The following ALOX5 variants were observed in gnomAD, a reference collection of about 807,000 sequenced individuals.
The protein encoded by ALOX5 is arachidonate 5-lipoxygenase, also known as polyunsaturated fatty acid 5-lipoxygenase.
ALOX5 carries 64 observed loss-of-function variants against 87.9 expected under a neutral mutation model. That is an observed-to-expected ratio of 0.73 (90% CI 0.60 to 0.90). ALOX5 has a LOEUF of 0.90. Among genes scored for constraint, ALOX5 ranks in the 40% least tolerant of loss-of-function variants. The probability of loss-of-function intolerance (pLI) is 0.00; values close to 1 mark genes in which losing one functional copy is unlikely to be tolerated. For missense variants in ALOX5, 822 were observed against 907.5 expected (o/e 0.91, Z 1.21); for synonymous variants, 388 against 355.1 (o/e 1.09, Z -1.04).
intron 1 of ALOX5, among the ~76,000 whole-genome samples, chr10:45,375,432 G>T (rs560547743): frequency 1.3e-5 from 2 of 152,278 alleles, no homozygotes; most frequent in East Asian, 3.9e-4. Flanking sequence ...CATACTGCAG[G>T]TGCGCAGGGA....
intron 11 of ALOX5, 89 bp from the exon 12 acceptor site, chr10:45,443,639 C>T: frequency 1.9e-6 from 3 of 1,594,258 alleles, no homozygotes; most frequent in Non-Finnish European, 2.6e-6. Context: ...GCCCTCCGGC[C>T]TTGGGGCAGG....
intron 3 of ALOX5, 71 bp from the exon 4 acceptor site, chr10:45,412,120 G>A: frequency 6.3e-7 from 1 of 1,593,642 alleles, no homozygotes; most frequent in Middle Eastern, 1.7e-4. Context: ...GACAGTGTGG[G>A]CGGCCCTCAG....
intron 6 of ALOX5, among the ~76,000 whole-genome samples, chr10:45,428,119 CTCCCCCT>C (rs1237194472): frequency 6.6e-6 from 1 of 150,536 alleles, no homozygotes; most frequent in Non-Finnish European, 1.5e-5. Flanking sequence ...GCAGAATCCC[CTCCCCCT>C]TCCCCCGCAG....
chr10:45,389,264 A>G (rs1367686410), intron 2 of ALOX5, among the ~76,000 whole-genome samples: 1 of 152,196 alleles, frequency 6.6e-6, no homozygotes, highest in Non-Finnish European at 1.5e-5. Flanking sequence ...GTTGGAAAAC[A>G]CTCTGCAGGA....
chr10:45,407,303 G>T (rs1246037151), intron 3 of ALOX5, among the ~76,000 whole-genome samples: 2 of 151,568 alleles, frequency 1.3e-5, no homozygotes, highest in African/African-American at 2.4e-5. Context: ...TTCACTCTCT[G>T]CATCTCTTTC....
In ALOX5 at chr10:45,395,778, G is replaced by T. The variant is rs28395862; in HGVS notation, c.350-77G>T. 599 of 1,341,982 alleles carry T rather than the reference G, an allele frequency of 4.5e-4. 11 individuals carry two copies. In the East Asian group the frequency reaches 0.014, roughly 30 times the overall value. The allele number at this position is 1,341,982 out of a possible 1,614,324, so 83.1% of individuals were successfully genotyped here. ...CACTCGGCATGGGCAGGGCATCTGA[G>T]GGAAGCCTGAACACTTGGCATTGGG... On this transcript the variant is annotated intron_variant, in intron 2 of 13. Transcript: ENST00000374391.
chr10:45,431,352 G>A (rs972858483), intron 7 of ALOX5, among the ~76,000 whole-genome samples: 1 of 151,850 alleles, frequency 6.6e-6, no homozygotes, highest in Non-Finnish European at 1.5e-5. Context: ...TATTGTCAAA[G>A]AACAGGGAAG....
chr10:45,377,268 T>G (rs1839649995), intron 1 of ALOX5, among the ~76,000 whole-genome samples: 1 of 152,144 alleles, frequency 6.6e-6, no homozygotes, highest in Non-Finnish European at 1.5e-5. Flanking sequence ...TAAATATTTC[T>G]TTGGTATGAC....
intron 4 of ALOX5, among the ~76,000 whole-genome samples, chr10:45,413,621 G>C (rs1841155530): frequency 1.3e-5 from 2 of 152,194 alleles, no homozygotes; most frequent in East Asian, 1.9e-4. Context: ...GGAAATAAAG[G>C]GTATTCAATT....
At position 45,441,397 on chromosome 10, in the gene ALOX5, G is replaced by A; in HGVS notation, c.1239G>A (p.Glu413=). 2 of 1,613,818 alleles carry A rather than the reference G, an allele frequency of 1.2e-6. No homozygotes were observed. Among genetic ancestry groups the A allele is most frequent in the Non-Finnish European group, 1.7e-6 (2 of 1,179,772 alleles). The part of the protein sequence containing the change: ...FTIAINTKAR[E]QLICECGLFD... Reference sequence around the variant, plus strand: ...TTGCAATCAACACCAAGGCCCGTGAGCAGCTCATCTGCGAGTGTGGCCTCT... The same window carrying A: ...TTGCAATCAACACCAAGGCCCGTGAACAGCTCATCTGCGAGTGTGGCCTCT... The change falls in exon 9 of 14, where the codon GAG becomes GAA. Residue 413 remains glutamate (E), a synonymous_variant. Coordinates refer to ENST00000374391, the MANE Select transcript of ALOX5 (RefSeq NM_000698.5).
At chr10:45,397,525 A>G (rs1405015976) in intron 3 of ALOX5, among the ~76,000 whole-genome samples, 1 of 152,258 alleles carries the variant, frequency 6.6e-6, no homozygotes, top group East Asian at 1.9e-4. Context: ...AGGGAATAAA[A>G]AGATAAGTAA....
At chr10:45,415,464 T>C (rs1261305405) in intron 4 of ALOX5, among the ~76,000 whole-genome samples, 1 of 152,024 alleles carries the variant, frequency 6.6e-6, no homozygotes, top group Non-Finnish European at 1.5e-5. Flanking sequence ...AGGGATAGCA[T>C]TAGGAGATAT....
At chr10:45,423,049 C>T (rs1206849265) in intron 4 of ALOX5, among the ~76,000 whole-genome samples, 2 of 152,226 alleles carry the variant, frequency 1.3e-5, no homozygotes, top group Non-Finnish European at 2.9e-5. Flanking sequence ...CCCTAATCAC[C>T]TCCCAAAGGC....
At chr10:45,407,690 G>GA (rs1392447758) in intron 3 of ALOX5, among the ~76,000 whole-genome samples, 5 of 152,080 alleles carry the variant, frequency 3.3e-5, no homozygotes, top group Middle Eastern at 3.2e-3. Context: ...TGAGGCAGAG[G>GA]AAAAATGCAG....
intron 2 of ALOX5, among the ~76,000 whole-genome samples, chr10:45,389,274 ATAT>A (rs1424251991): frequency 6.6e-6 from 1 of 152,240 alleles, no homozygotes; most frequent in African/African-American, 2.4e-5. Context: ...ACTCTGCAGG[ATAT>A]TATGCAGGAG....
chr10:45,397,420 T>A (rs1412272964), intron 3 of ALOX5, among the ~76,000 whole-genome samples: 2 of 152,184 alleles, frequency 1.3e-5, no homozygotes, highest in Admixed American at 6.5e-5. Flanking sequence ...AACATTATAC[T>A]TAATGATGAA....
chr10:45,395,989 C>T lies in ALOX5; in HGVS notation c.431+53C>T, dbSNP rs9282585. The T allele has an allele frequency of 8.6e-4, 1,336 of 1,556,722 alleles. 1 individual carries two copies. The highest frequency in any genetic ancestry group is 1.1e-3 in the Non-Finnish European group (1,204 of 1,128,804). ...CACGGGGCCATGGTTTCTTCTATCT[C>T]AAGAGCATGGTATGAAATAAACCCT... On this transcript the variant is annotated intron_variant, in intron 3 of 13. Coordinates refer to ENST00000374391, the MANE Select transcript of ALOX5 (RefSeq NM_000698.5).
At chr10:45,435,654 T>C (rs2082109) in intron 7 of ALOX5, among the ~76,000 whole-genome samples, 30,371 of 152,186 alleles carry the variant, frequency 0.2, 3,261 homozygotes, top group African/African-American at 0.26. Context: ...AGTACATGTA[T>C]CACATTTTCT....
At chr10:45,392,186 C>A (rs1473747036) in intron 2 of ALOX5, among the ~76,000 whole-genome samples, 1 of 152,194 alleles carries the variant, frequency 6.6e-6, no homozygotes, top group Admixed American at 6.5e-5. Context: ...TCTGCCTGGC[C>A]ACCACCCCAT....
Sources: gnomAD v4.1 joint callset for allele counts (sites outside exome capture counted in the v4.1 genomes callset) on GRCh38, gnomAD v4.1.1 for gene constraint, MANE v1.5 for transcripts, NCBI Gene and HGNC (gene_info 2026-07-23, HGNC 2026-07-21) for gene names.